Variants in TMPRSS15 observed in about 807,000 individuals in gnomAD.
TMPRSS15 encodes transmembrane serine protease 15, also known as enteropeptidase.
TMPRSS15 carries 128 observed loss-of-function variants against 125.3 expected under a neutral mutation model. That is an observed-to-expected ratio of 1.02 (90% CI 0.89 to 1.18). The LOEUF (loss-of-function observed/expected upper bound fraction) is 1.18, where lower values mean the gene tolerates loss of function less well. Among genes scored for constraint, TMPRSS15 ranks in the 50% most tolerant of loss-of-function variants. The pLI is 0.00. For missense variants in TMPRSS15, 1,283 were observed against 1,212.7 expected, an observed-to-expected ratio of 1.06 and a Z score of -0.86; for synonymous variants, 446 against 423.2, an observed-to-expected ratio of 1.05 and a Z score of -0.66.
intron 3 of TMPRSS15, among the ~76,000 whole-genome samples, chr21:18,396,238 G>GA (rs1163796950): frequency 6.6e-6 from 1 of 152,074 alleles, no homozygotes; most frequent in Non-Finnish European, 1.5e-5. Flanking sequence ...CATCTATGGT[G>GA]AAAAGCAAAC....
chr21:18,358,049 G>T (rs1433772720), intron 8 of TMPRSS15, among the ~76,000 whole-genome samples: 1 of 151,356 alleles, frequency 6.6e-6, no homozygotes, highest in Admixed American at 6.6e-5. Flanking sequence ...TTTCTGCTTG[G>T]ATATTCAGTT....
rs754327553 is a variant in TMPRSS15 at position 18,294,617 on chromosome 21, T to C, written c.2297A>G (p.Gln766Arg). The change falls in exon 20 of 25, where the codon CAG becomes CGG. Residue 766 changes from glutamine (Q) to arginine (R), a missense_variant. Transcript: ENST00000284885. ...QCLQDSLIRL[Q>R]CNHKSCGKKL... ...TATTTACTTACATTTATGGTTACAC[T>C]GTAACCGAATCAAGGAATCCTGTAA... 9.9e-6 allele frequency: 16 copies of C among 1,611,684 alleles called. No homozygotes were observed. The East Asian group carries it at 2.9e-4, about 29-fold the overall frequency.
intron 1 of TMPRSS15, among the ~76,000 whole-genome samples, chr21:18,428,983 G>A (rs1318148196): frequency 6.6e-6 from 1 of 152,128 alleles, no homozygotes; most frequent in Non-Finnish European, 1.5e-5. Flanking sequence ...CTGGGAGGGA[G>A]GCTCTACCCT....
intron 1 of TMPRSS15, among the ~76,000 whole-genome samples, chr21:18,467,892 A>G (rs1978699003): frequency 6.6e-6 from 1 of 152,114 alleles, no homozygotes; most frequent in African/African-American, 2.4e-5. Flanking sequence ...GAGAAACTGA[A>G]AGTATGTCAA....
chr21:18,407,828 G>A (rs891773653), upstream of TMPRSS15, among the ~76,000 whole-genome samples: 2 of 152,126 alleles, frequency 1.3e-5, no homozygotes, highest in African/African-American at 4.8e-5. Flanking sequence ...TTTATGTGAA[G>A]TGGAAACAAA....
At chr21:18,341,330 C>G (rs558654435) in intron 13 of TMPRSS15, 83 bp downstream of exon 13, 34 of 1,564,358 alleles carry the variant, frequency 2.2e-5, no homozygotes, top group Non-Finnish European at 2.8e-5. Context: ...TTCAGCCTCC[C>G]GAAGTGCTGG....
rs1437171755 is a variant in TMPRSS15, at chr21:18,409,868, C to T, written c.11-11539G>A. ...TTCCCCCTTCCTTCCTTCCCTCCCT[C>T]CCTCCCTTCCCTCCCTCCCTCCCTT... On this transcript the variant is annotated intron_variant, in intron 1 of 7. Coordinates refer to the TMPRSS15 transcript ENST00000422787. Among the ~76,000 whole-genome samples the T allele has an allele frequency of 7.6e-5, 8 of 105,300 alleles. No individual in the cohort carries two copies. In the East Asian group the frequency reaches 2.9e-3, roughly 38 times the overall value. 69.1% of individuals were successfully genotyped at this position (105,300 alleles called of 152,430 possible). A position where few individuals can be genotyped will look rare whatever the true frequency, so the allele number is the denominator to read the frequency against.
intron 19 of TMPRSS15, among the ~76,000 whole-genome samples, chr21:18,295,596 T>C (rs995892477): frequency 2.6e-5 from 4 of 152,200 alleles, no homozygotes; most frequent in African/African-American, 9.7e-5. Context: ...ATTCAGTGTT[T>C]CAGGAAAATA....
At chr21:18,320,099 G>T (rs1488549361) in intron 16 of TMPRSS15, among the ~76,000 whole-genome samples, 1 of 151,970 alleles carries the variant, frequency 6.6e-6, no homozygotes, top group Non-Finnish European at 1.5e-5. Flanking sequence ...GATGACAAAT[G>T]GGCAGAGATA....
At chr21:18,317,028 A>T (rs150322580) in intron 16 of TMPRSS15, among the ~76,000 whole-genome samples, 2 of 152,308 alleles carry the variant, frequency 1.3e-5, no homozygotes, top group East Asian at 1.9e-4. Context: ...AAAATAAGAA[A>T]CAGGGAAGCT....
rs2074608957 is a variant in TMPRSS15, at chr21:18,275,479, C to T, written c.2765-143G>A. On this transcript the variant is annotated intron_variant, in intron 23 of 24. Transcript: ENST00000284885. ...TATATAATGGAACTAAATACTAAAC[C>T]TTGCACACTAAAGCACATAATAAAG... 29 of 1,007,664 alleles carry T rather than the reference C, an allele frequency of 2.9e-5. No individual in the cohort carries two copies. In the South Asian group the frequency reaches 3.7e-4, roughly 13 times the overall value. The allele number at this position is 1,007,664 out of a possible 1,614,324, so 62.4% of individuals were successfully genotyped here. A position where few individuals can be genotyped will look rare whatever the true frequency, so the allele number is the denominator to read the frequency against.
rs544141823 is a variant in TMPRSS15, at chr21:18,326,292, A to C, written c.1921+140T>G. ...GGTACTACAGATGTAAAGGAGGAAA[A>C]ATCATCTTCATTAAGATGAGGAAGA... is the stretch of plus-strand genomic sequence containing the variant. On this transcript the variant is annotated intron_variant, in intron 16 of 24. Transcript: ENST00000284885. The C allele has an allele frequency of 2.3e-6, 3 of 1,283,796 alleles. No homozygotes were observed. In the South Asian group the frequency reaches 3.6e-5, roughly 16 times the overall value. 79.5% of individuals were successfully genotyped at this position (1,283,796 alleles called of 1,614,324 possible). A position where few individuals can be genotyped will look rare whatever the true frequency, so the allele number is the denominator to read the frequency against.
chr21:18,414,372 T>A (rs1372813063), intron 1 of TMPRSS15, among the ~76,000 whole-genome samples: 1 of 152,212 alleles, frequency 6.6e-6, no homozygotes, highest in Non-Finnish European at 1.5e-5. Flanking sequence ...GAACATAACG[T>A]GAGCTTTCAA....
intron 1 of TMPRSS15, among the ~76,000 whole-genome samples, chr21:18,428,009 T>C (rs1478338783): frequency 1.3e-5 from 2 of 152,228 alleles, no homozygotes. Context: ...GCAATAGAGA[T>C]GTTTTTAATT....
chr21:18,270,181 A>G (rs2074537761), intron 24 of TMPRSS15, 57 bp from the exon 25 acceptor site: 5 of 1,430,354 alleles, frequency 3.5e-6, no homozygotes, highest in African/African-American at 1.4e-5. Flanking sequence ...ATCGAAACAT[A>G]TAAAATTATT....
At chr21:18,450,843 G>A (rs1166400847) in intron 1 of TMPRSS15, among the ~76,000 whole-genome samples, 2 of 152,154 alleles carry the variant, frequency 1.3e-5, no homozygotes, top group African/African-American at 4.8e-5. Flanking sequence ...AGAGGTAAAT[G>A]CAAGCCTTGA....
intron 1 of TMPRSS15, among the ~76,000 whole-genome samples, chr21:18,443,605 G>A (rs1012915111): frequency 6.6e-5 from 10 of 152,346 alleles, no homozygotes; most frequent in African/African-American, 2.2e-4. Flanking sequence ...ACCAGCACTG[G>A]TGCCATAGCC....
intron 5 of TMPRSS15, among the ~76,000 whole-genome samples, chr21:18,376,292 C>T (rs1037679006): frequency 2.0e-5 from 3 of 151,724 alleles, no homozygotes; most frequent in African/African-American, 7.3e-5. Flanking sequence ...AGTCTTGATA[C>T]CATGTGAGTA....
rs121908060 is a variant in TMPRSS15 at position 18,359,856 on chromosome 21, G to C, written c.781C>G (p.Gln261Glu). The change falls in exon 8 of 25, where the codon CAA (glutamine) becomes GAA (glutamate). Residue 261 changes from glutamine to glutamate, a missense_variant. Physicochemically the swap from Gln to Glu is conservative, Grantham distance 29. Coordinates refer to ENST00000284885, the MANE Select transcript of TMPRSS15 (RefSeq NM_002772.3). ...VVCQWIIRVN[Q>E]GLSIKLSFDD... The stretch of plus-strand genomic sequence containing the variant: ...AAGCTCAGTTTAATGGAAAGTCCTT[G>C]GTTTACACTAAATTAAAAGCAAAAA... 6.8e-7 allele frequency: 1 copy of C among 1,472,716 alleles called. No homozygotes were observed. Among genetic ancestry groups the C allele is most frequent in the Non-Finnish European group, 9.5e-7 (1 of 1,054,218 alleles). The allele number at this position is 1,472,716 out of a possible 1,614,324, so 91.2% of individuals were successfully genotyped here.
Sources: allele counts gnomAD v4.1 joint callset (sites outside exome capture counted in the v4.1 genomes callset), GRCh38; gene constraint gnomAD v4.1.1; transcripts MANE v1.5; gene names NCBI Gene and HGNC (gene_info 2026-07-23, HGNC 2026-07-21).